The following ERI1 variants were observed in gnomAD, a reference collection of about 807,000 sequenced individuals.
ERI1 encodes exoribonuclease 1.
In ERI1, 39 loss-of-function variants were observed where a neutral mutation model predicts 39.7. The observed-to-expected ratio is 0.98, with a 90% CI of 0.76 to 1.28. The LOEUF (loss-of-function observed/expected upper bound fraction) is 1.28. Ranked by LOEUF, ERI1 falls within the 50% of genes most tolerant of loss-of-function variation. The pLI is 0.00. For synonymous variants in ERI1, 204 were observed against 149.6 expected (o/e 1.36, Z -2.65); for missense variants, 581 against 416.9 (o/e 1.39, Z -3.43).
intron 3 of ERI1, among the ~76,000 whole-genome samples, chr8:9,069,685 A>G (rs966574650): frequency 3.3e-5 from 5 of 152,242 alleles, no homozygotes; most frequent in African/African-American, 1.2e-4. Context: ...CAATATACAC[A>G]TGTAACAAAC....
At chr8:9,054,272 C>T (rs1011676350) in intron 3 of ERI1, among the ~76,000 whole-genome samples, 21 of 152,202 alleles carry the variant, frequency 1.4e-4, no homozygotes, top group African/African-American at 4.1e-4. Context: ...AAAATTATCC[C>T]CATCAAAATA....
At chr8:9,013,043 TAG>T (rs767405199) in intron 3 of ERI1, among the ~76,000 whole-genome samples, 22 of 151,710 alleles carry the variant, frequency 1.5e-4, no homozygotes, top group Non-Finnish European at 2.6e-4. Context: ...TTTTTTAAGA[TAG>T]AGTCTTGTAC....
intron 3 of ERI1, among the ~76,000 whole-genome samples, chr8:9,065,031 G>T (rs142825485): frequency 0.055 from 8,298 of 152,176 alleles, 578 homozygotes; most frequent in African/African-American, 0.16. Flanking sequence ...GATGAGCCAG[G>T]AGAAGGAATT....
chr8:9,021,156 A>C (rs948711098), intron 6 of ERI1, among the ~76,000 whole-genome samples: 5 of 152,152 alleles, frequency 3.3e-5, no homozygotes, highest in Non-Finnish European at 7.4e-5. Flanking sequence ...GAGAGTGTCC[A>C]CAACTTTCCC....
At chr8:9,074,197 G>A (rs529912575) in intron 3 of ERI1, among the ~76,000 whole-genome samples, 2 of 151,522 alleles carry the variant, frequency 1.3e-5, no homozygotes, top group African/African-American at 2.4e-5. Flanking sequence ...TGCAACCTCC[G>A]CCTCCCAGGT....
At chr8:9,015,740 A>AAAAAAAAAAAAG (rs1182633803) in intron 3 of ERI1, among the ~76,000 whole-genome samples, 38 of 148,504 alleles carry the variant, frequency 2.6e-4, no homozygotes, top group African/African-American at 9.8e-4. Flanking sequence ...AAAAAAAAAA[A>AAAAAAAAAAAAG]AGAGACCATC....
intron 3 of ERI1, among the ~76,000 whole-genome samples, chr8:9,048,058 C>A (rs1346264092): frequency 6.6e-6 from 1 of 152,208 alleles, no homozygotes; most frequent in Non-Finnish European, 1.5e-5. Flanking sequence ...CTAGGTCCCC[C>A]AGACTCTGCA....
Position 9,011,540 on chromosome 8 carries a change from AGAG to A in ERI1, c.290_292del (p.Gly97del). On this transcript the variant is annotated splice_acceptor_variant and coding_sequence_variant, in exon 3 of 7. Transcript: ENST00000250263. LOFTEE classifies it high-confidence loss of function. ...TGTAACTAGTCTTCTTCTTCTACTT[AGAG>A]GAGTAAAGGATGTTCTAAAGAAGAG... 6.3e-7 allele frequency: 1 copy of A among 1,589,684 alleles called. No individual in the cohort carries two copies. Among genetic ancestry groups the A allele is most frequent in the Non-Finnish European group, 8.6e-7 (1 of 1,165,928 alleles).
At chr8:9,090,564 T>A (rs1799672581) in intron 3 of ERI1, among the ~76,000 whole-genome samples, 1 of 152,068 alleles carries the variant, frequency 6.6e-6, no homozygotes, top group Admixed American at 6.6e-5. Flanking sequence ...GTTTTAGGAG[T>A]ATTCGTTTTT....
chr8:9,060,300 G>A (rs1326949719), intron 3 of ERI1, among the ~76,000 whole-genome samples: 7 of 152,162 alleles, frequency 4.6e-5, no homozygotes, highest in Non-Finnish European at 7.3e-5. Context: ...GACCCTGTGA[G>A]AAAGACCTCT....
At chr8:9,021,966 T>C (rs1373910315) in intron 6 of ERI1, among the ~76,000 whole-genome samples, 3 of 152,070 alleles carry the variant, frequency 2.0e-5, no homozygotes, top group Non-Finnish European at 4.4e-5. Flanking sequence ...AGCATTGTTG[T>C]GCATGTCCCC....
intron 6 of ERI1, among the ~76,000 whole-genome samples, chr8:9,027,326 C>T (rs774436687): frequency 3.0e-4 from 46 of 152,142 alleles, no homozygotes; most frequent in Non-Finnish European, 5.6e-4. Context: ...AGATTCTTTC[C>T]TCATTTACTA....
intron 1 of ERI1, 65 bp downstream of exon 1, chr8:9,003,236 C>G: frequency 1.0e-6 from 1 of 1,002,264 alleles, no homozygotes; most frequent in Non-Finnish European, 1.3e-6. Flanking sequence ...GCCCTCGGCA[C>G]CCCTTTCTTC....
intron 1 of ERI1, among the ~76,000 whole-genome samples, chr8:9,005,514 GTT>G (rs60847461): frequency 3.1e-5 from 4 of 130,804 alleles, no homozygotes; most frequent in Admixed American, 7.7e-5. Context: ...GTTTTTTTAT[GTT>G]TTTTTTTTTT....
intron 3 of ERI1, among the ~76,000 whole-genome samples, chr8:9,086,929 A>T (rs552028275): frequency 7.2e-5 from 11 of 152,316 alleles, no homozygotes; most frequent in African/African-American, 2.4e-4. Context: ...AAGTGTACAC[A>T]GGAAAATTCT....
intron 3 of ERI1, among the ~76,000 whole-genome samples, chr8:9,070,621 A>G (rs555694756): frequency 2.6e-4 from 40 of 152,370 alleles, no homozygotes; most frequent in African/African-American, 9.1e-4. Context: ...CCCACGGAAC[A>G]TTCCTAATGA....
At chr8:9,082,700 C>G (rs547567018) in intron 3 of ERI1, among the ~76,000 whole-genome samples, 1 of 152,248 alleles carries the variant, frequency 6.6e-6, no homozygotes, top group African/African-American at 2.4e-5. Context: ...CTCTCCTTCC[C>G]CATTTCCCTT....
At chr8:9,066,486 C>A (rs1310392578) in intron 3 of ERI1, among the ~76,000 whole-genome samples, 1 of 152,164 alleles carries the variant, frequency 6.6e-6, no homozygotes, top group Admixed American at 6.5e-5. Context: ...TTTGAACTCA[C>A]CAACACTGGC....
intron 3 of ERI1, among the ~76,000 whole-genome samples, chr8:9,091,887 G>A (rs1287332522): frequency 6.7e-6 from 1 of 149,158 alleles, no homozygotes; most frequent in African/African-American, 2.4e-5. Flanking sequence ...AAAAGACCCA[G>A]TAACAAAATT....
Sources: allele counts gnomAD v4.1 joint callset (sites outside exome capture counted in the v4.1 genomes callset), GRCh38; gene constraint gnomAD v4.1.1; transcripts MANE v1.5; gene names NCBI Gene and HGNC (gene_info 2026-07-23, HGNC 2026-07-21).